Variants in NEGR1 observed in about 807,000 individuals in gnomAD.
NEGR1 encodes IgLON family member 4.
A neutral mutation model predicts 40.9 loss-of-function variants in NEGR1; 10 were observed. The observed-to-expected ratio is 0.24, with a 90% CI of 0.15 to 0.42. The LOEUF (loss-of-function observed/expected upper bound fraction) is 0.42. Among genes scored for constraint, NEGR1 ranks in the 10% least tolerant of loss-of-function variants. The pLI, the probability that NEGR1 is intolerant of heterozygous loss-of-function variation, is 1.00. For missense variants in NEGR1, 352 were observed against 438.9 expected (o/e 0.80, Z 1.77); for synonymous variants, 185 against 166.8 (o/e 1.11, Z -0.84).
intron 1 of NEGR1, among the ~76,000 whole-genome samples, chr1:71,987,535 C>A (rs1478706152): frequency 1.3e-5 from 2 of 152,142 alleles, no homozygotes; most frequent in African/African-American, 4.8e-5. Flanking sequence ...AGGGCATTGA[C>A]CCTCTCACTC....
intron 6 of NEGR1, among the ~76,000 whole-genome samples, chr1:71,557,717 A>G (rs150018173): frequency 3.8e-3 from 584 of 151,712 alleles, no homozygotes; most frequent in South Asian, 0.011. Flanking sequence ...TCAAATATCA[A>G]TTATGAATTA....
chr1:72,125,194 G>GA (rs1338983135), intron 1 of NEGR1, among the ~76,000 whole-genome samples: 4 of 151,822 alleles, frequency 2.6e-5, no homozygotes, highest in Non-Finnish European at 4.4e-5. Context: ...ATCTATCTAA[G>GA]AAAAATACAC....
intron 1 of NEGR1, among the ~76,000 whole-genome samples, chr1:72,237,486 TC>T (rs1654588719): frequency 6.6e-6 from 1 of 151,894 alleles, no homozygotes; most frequent in African/African-American, 2.4e-5. Context: ...CCATTACTTC[TC>T]CCAAAATGCT....
chr1:71,561,720 T>A (rs1648463371), intron 6 of NEGR1, among the ~76,000 whole-genome samples: 2 of 151,470 alleles, frequency 1.3e-5, no homozygotes, highest in South Asian at 4.1e-4. Flanking sequence ...CATTCAAGAG[T>A]CCTGTATGGC....
intron 1 of NEGR1, among the ~76,000 whole-genome samples, chr1:72,038,553 C>T (rs1432283124): frequency 6.6e-6 from 1 of 151,918 alleles, no homozygotes; most frequent in East Asian, 1.9e-4. Context: ...CATAATAACT[C>T]CATTTGCAAA....
intron 1 of NEGR1, among the ~76,000 whole-genome samples, chr1:72,189,152 A>C (rs1652722825): frequency 6.6e-6 from 1 of 151,548 alleles, no homozygotes; most frequent in Non-Finnish European, 1.5e-5. Context: ...TTTGGCACAT[A>C]ATAAAAATCT....
intron 1 of NEGR1, among the ~76,000 whole-genome samples, chr1:71,962,043 C>A (rs61765344): frequency 1.3e-5 from 2 of 151,518 alleles, no homozygotes; most frequent in Non-Finnish European, 2.9e-5. Context: ...GGAAAATGAC[C>A]AACAAAGTTG....
Position 72,193,786 on chromosome 1 carries a change from T to C in NEGR1, c.176+88533A>G, listed in dbSNP as rs917273672. Among the ~76,000 whole-genome samples, 6 of 151,764 alleles carry C rather than the reference T, an allele frequency of 4.0e-5. No homozygotes were observed. The East Asian group carries it at 1.2e-3, about 29-fold the overall frequency. On this transcript the variant is annotated intron_variant, in intron 1 of 6. Coordinates refer to ENST00000357731, the MANE Select transcript of NEGR1 (RefSeq NM_173808.3). Reference sequence around the variant, plus strand: ...ATATAAAAAGAATATTTTTAAAGTGTTCATTTTTAATCATATTAAGGTGTA... The same window carrying C: ...ATATAAAAAGAATATTTTTAAAGTGCTCATTTTTAATCATATTAAGGTGTA...
chr1:71,789,995 G>A (rs1004863119), intron 2 of NEGR1, among the ~76,000 whole-genome samples: 1 of 152,048 alleles, frequency 6.6e-6, no homozygotes, highest in East Asian at 1.9e-4. Flanking sequence ...TAAATATTTG[G>A]ATTTTAAGGG....
chr1:71,634,042 A>T (rs1418658666), intron 4 of NEGR1, among the ~76,000 whole-genome samples: 1 of 151,940 alleles, frequency 6.6e-6, no homozygotes, highest in African/African-American at 2.4e-5. Flanking sequence ...TGTTTTTTGG[A>T]CTTGGAGTTA....
chr1:71,933,394 T>C (rs1220775905), intron 2 of NEGR1, among the ~76,000 whole-genome samples: 1 of 152,008 alleles, frequency 6.6e-6, no homozygotes, highest in South Asian at 2.1e-4. Flanking sequence ...TCTTCAGAAA[T>C]ATATCATTTA....
intron 1 of NEGR1, among the ~76,000 whole-genome samples, chr1:72,152,420 G>A (rs1412137155): frequency 6.6e-6 from 1 of 151,818 alleles, no homozygotes; most frequent in African/African-American, 2.4e-5. Context: ...CAAAACCACA[G>A]TGAGATATCT....
chr1:72,090,273 T>C (rs935688187), intron 1 of NEGR1, among the ~76,000 whole-genome samples: 4 of 151,438 alleles, frequency 2.6e-5, no homozygotes, highest in Non-Finnish European at 5.9e-5. Flanking sequence ...AAAAAGTAAT[T>C]CTGTATCTAG....
chr1:71,943,757 A>G (rs2100256256), intron 1 of NEGR1, among the ~76,000 whole-genome samples: 1 of 152,296 alleles, frequency 6.6e-6, no homozygotes, highest in East Asian at 1.9e-4. Flanking sequence ...TTATCCCGAT[A>G]ATAAATTTCA....
intron 1 of NEGR1, among the ~76,000 whole-genome samples, chr1:71,976,838 G>T (rs1047482388): frequency 6.6e-6 from 1 of 152,094 alleles, no homozygotes; most frequent in African/African-American, 2.4e-5. Flanking sequence ...TGTATTTTTA[G>T]TATATTCTTC....
chr1:72,110,404 G>A (rs1331606174), intron 1 of NEGR1, among the ~76,000 whole-genome samples: 1 of 151,394 alleles, frequency 6.6e-6, no homozygotes, highest in African/African-American at 2.4e-5. Context: ...ATAGGTTTAA[G>A]TAAAAACAAA....
At chr1:71,846,140 A>T (rs1398471422) in intron 2 of NEGR1, among the ~76,000 whole-genome samples, 1 of 151,982 alleles carries the variant, frequency 6.6e-6, no homozygotes, top group African/African-American at 2.4e-5. Flanking sequence ...GAAGCCAGAA[A>T]GGTTGTTATT....
chr1:71,806,789 T>C (rs1657786447), intron 2 of NEGR1, among the ~76,000 whole-genome samples: 1 of 151,996 alleles, frequency 6.6e-6, no homozygotes, highest in Non-Finnish European at 1.5e-5. Flanking sequence ...CTCAGACTTA[T>C]CTGAAATGAA....
chr1:71,556,588 T>C (rs1279269408), intron 6 of NEGR1, among the ~76,000 whole-genome samples: 2 of 151,328 alleles, frequency 1.3e-5, no homozygotes, highest in African/African-American at 4.8e-5. Context: ...TTATTCATGC[T>C]GGCGACAATG....
Sources: gnomAD v4.1 joint callset for allele counts (sites outside exome capture counted in the v4.1 genomes callset) on GRCh38, gnomAD v4.1.1 for gene constraint, MANE v1.5 for transcripts, NCBI Gene and HGNC (gene_info 2026-07-23, HGNC 2026-07-21) for gene names.